Variants in FBN1 observed in about 807,000 individuals in gnomAD.
FBN1 encodes fibrillin 1, also known as fibrillin-1.
In FBN1, 29 loss-of-function variants were observed where a neutral mutation model predicts 365.1. The observed-to-expected ratio is 0.08, with a 90% CI of 0.06 to 0.11. FBN1 has a LOEUF of 0.11. FBN1 is among the 10% of genes least tolerant of loss of function. The pLI is 1.00. For synonymous variants in FBN1, 1,210 were observed against 1,270.5 expected (o/e 0.95, Z 1.01); for missense variants, 2,476 against 3,703.2 (o/e 0.67, Z 8.60).
At chr15:48,459,431 C>T (rs947337662) in intron 43 of FBN1, among the ~76,000 whole-genome samples, 1 of 152,164 alleles carries the variant, frequency 6.6e-6, no homozygotes, top group Non-Finnish European at 1.5e-5. Flanking sequence ...GGACCAGACT[C>T]TTGTTTTCTT....
intron 8 of FBN1, among the ~76,000 whole-genome samples, chr15:48,531,724 C>A (rs2043974884): frequency 6.6e-6 from 1 of 152,028 alleles, no homozygotes; most frequent in South Asian, 2.1e-4. Context: ...AAAAGTGAAC[C>A]CGGCTTGCCA....
rs375760654 is a variant in FBN1 at position 48,526,110 on chromosome 15, C to A, written c.988+20G>T. 9.3e-6 allele frequency: 15 copies of A among 1,613,698 alleles called. No individual in the cohort carries two copies. In the Admixed American group the frequency reaches 1.2e-4, roughly 13 times the overall value. On this transcript the variant is annotated intron_variant, in intron 9 of 65. Transcript: ENST00000316623. Reference sequence around the variant, plus strand: ...AACTGACTTACACAAACCATGCATGCTGTTTGTCATTAAACCTACCTATGC... The same window carrying A: ...AACTGACTTACACAAACCATGCATGATGTTTGTCATTAAACCTACCTATGC...
intron 2 of FBN1, among the ~76,000 whole-genome samples, chr15:48,621,380 T>C (rs1402975096): frequency 1.3e-5 from 2 of 152,220 alleles, no homozygotes; most frequent in Non-Finnish European, 2.9e-5. Flanking sequence ...CTTAATATTA[T>C]GTGATAAAAA....
At chr15:48,508,808 T>C (rs2043734507) in intron 14 of FBN1, 104 bp from the exon 15 acceptor site, 1 of 1,393,580 alleles carries the variant, frequency 7.2e-7, no homozygotes. Flanking sequence ...TCTTTCTTTT[T>C]GTTATTACAG....
intron 2 of FBN1, among the ~76,000 whole-genome samples, chr15:48,634,723 C>G (rs1425847981): frequency 6.6e-6 from 1 of 150,554 alleles, no homozygotes. Context: ...TGCAGCACAG[C>G]TTATGAAATT....
At chr15:48,465,282 G>C (rs769667898) in intron 40 of FBN1, among the ~76,000 whole-genome samples, 3 of 152,182 alleles carry the variant, frequency 2.0e-5, no homozygotes, top group Non-Finnish European at 2.9e-5. Context: ...TGGCTTTTCT[G>C]AAGAGCATGG....
intron 31 of FBN1, among the ~76,000 whole-genome samples, chr15:48,482,567 G>A (rs2043473291): frequency 1.3e-5 from 2 of 152,178 alleles, no homozygotes; most frequent in Admixed American, 1.3e-4. Context: ...ACCAGATGGA[G>A]CCAGGCACTG....
chr15:48,625,835 T>G (rs897257974), intron 2 of FBN1, among the ~76,000 whole-genome samples: 3 of 147,978 alleles, frequency 2.0e-5, no homozygotes, highest in African/African-American at 8.0e-5. Flanking sequence ...ATTACCAGCG[T>G]TTTTTTTGTG....
chr15:48,456,872 G>GTGTGTGTGCGCA, intron 43 of FBN1, 110 bp from the exon 44 acceptor site: 1 of 1,101,436 alleles, frequency 9.1e-7, no homozygotes, highest in Non-Finnish European at 1.4e-6. Flanking sequence ...GTGTGTGTGT[G>GTGTGTGTGCGCA]CGTGCATGTG....
Position 48,481,762 on chromosome 15 carries a change from A to G in FBN1, c.3857T>C (p.Leu1286Pro), listed in dbSNP as rs1160787522. Reference sequence around the variant, plus strand: ...CCCACTTAGGCAGATATTTGGATTCAGGTCACACTCATTGACATCTGTAAA... The same window carrying G: ...CCCACTTAGGCAGATATTTGGATTCGGGTCACACTCATTGACATCTGTAAA... ...KTCVDVNECD[L>P]NPNICLSGTC... Residue 1286 changes from leucine to proline, a missense_variant, in exon 32 of 66, where the codon CTG becomes CCG. This residue lies in a region of FBN1 where 1,780 missense variants were observed against 2,840.8 expected (regional missense o/e 0.63). Coordinates refer to ENST00000316623, the MANE Select transcript of FBN1 (RefSeq NM_000138.5). 1 of 1,613,426 alleles carries G rather than the reference A, an allele frequency of 6.2e-7. No individual in the cohort carries two copies. Among genetic ancestry groups the G allele is most frequent in the African/African-American group, 1.3e-5 (1 of 74,932 alleles).
chr15:48,523,058 G>A (rs564253870), intron 9 of FBN1, among the ~76,000 whole-genome samples: 2 of 152,338 alleles, frequency 1.3e-5, no homozygotes, highest in South Asian at 4.1e-4. Flanking sequence ...ATTCTAATTT[G>A]TAATGCCTTA....
intron 6 of FBN1, among the ~76,000 whole-genome samples, chr15:48,589,682 C>A (rs559069595): frequency 7.2e-6 from 1 of 138,818 alleles, no homozygotes; most frequent in South Asian, 2.2e-4. Flanking sequence ...GGCGTGATCT[C>A]GGCTCACTGC....
At chr15:48,582,960 G>C (rs1194975265) in intron 6 of FBN1, among the ~76,000 whole-genome samples, 1 of 152,194 alleles carries the variant, frequency 6.6e-6, no homozygotes, top group African/African-American at 2.4e-5. Context: ...CTCATGGTCA[G>C]CCGGAGCCAT....
At chr15:48,511,396 T>A (rs1450365200) in intron 13 of FBN1, among the ~76,000 whole-genome samples, 1 of 151,944 alleles carries the variant, frequency 6.6e-6, no homozygotes, top group Non-Finnish European at 1.5e-5. Context: ...CAAAAAAAAA[T>A]GGTAAAAACC....
At chr15:48,519,284 T>C (rs943811015) in intron 10 of FBN1, among the ~76,000 whole-genome samples, 1 of 152,262 alleles carries the variant, frequency 6.6e-6, no homozygotes, top group Non-Finnish European at 1.5e-5. Context: ...ATATATTCAT[T>C]GTGCACAACG....
At chr15:48,601,530 G>T (rs2044567527) in intron 4 of FBN1, among the ~76,000 whole-genome samples, 1 of 152,176 alleles carries the variant, frequency 6.6e-6, no homozygotes, top group African/African-American at 2.4e-5. Flanking sequence ...CTACACAAAA[G>T]CAGAAATCTG....
chr15:48,551,643 T>C (rs1257468181), intron 6 of FBN1, among the ~76,000 whole-genome samples: 4 of 152,106 alleles, frequency 2.6e-5, no homozygotes, highest in African/African-American at 2.4e-5. Flanking sequence ...TTCCCATTAG[T>C]TGTTTTCCCT....
intron 14 of FBN1, among the ~76,000 whole-genome samples, chr15:48,509,360 T>C (rs2043739544): frequency 6.6e-6 from 1 of 150,716 alleles, no homozygotes; most frequent in African/African-American, 2.4e-5. Context: ...ACTTGCTCTT[T>C]TAGACACAGT....
chr15:48,577,685 C>T (rs2044359594), intron 6 of FBN1, among the ~76,000 whole-genome samples: 1 of 152,174 alleles, frequency 6.6e-6, no homozygotes, highest in Non-Finnish European at 1.5e-5. Flanking sequence ...GCCCCGCCTT[C>T]CCTGAAGTTT....
Sources: allele counts gnomAD v4.1 joint callset (sites outside exome capture counted in the v4.1 genomes callset), GRCh38; gene constraint gnomAD v4.1.1; regional missense constraint gnomAD v4.1.1; transcripts MANE v1.5; gene names NCBI Gene and HGNC (gene_info 2026-07-23, HGNC 2026-07-21).